Variants in RAB27A observed in about 807,000 individuals in gnomAD.
RAB27A encodes the protein ras-related protein Rab-27A.
A neutral mutation model predicts 20.8 loss-of-function variants in RAB27A; 17 were observed. The ratio of observed to expected loss-of-function variants is 0.82; its 90% confidence interval spans 0.56 to 1.23. RAB27A has a LOEUF of 1.23. Among genes scored for constraint, RAB27A ranks in the 50% most tolerant of loss-of-function variants. RAB27A has a pLI of 0.00. For missense variants in RAB27A, 277 were observed against 266.7 expected (o/e 1.04, Z -0.27); for synonymous variants, 85 against 92.8 (o/e 0.92, Z 0.48).
intron 1 of RAB27A, among the ~76,000 whole-genome samples, chr15:55,278,021 T>C (rs1409240390): frequency 3.3e-5 from 5 of 152,244 alleles, no homozygotes; most frequent in African/African-American, 4.8e-5. Context: ...TTGACACATA[T>C]GGTAGCTGTA....
intron 2 of RAB27A, among the ~76,000 whole-genome samples, chr15:55,304,655 C>T (rs2054989879): frequency 6.6e-6 from 1 of 152,068 alleles, no homozygotes; most frequent in Non-Finnish European, 1.5e-5. Context: ...GTAATGTATT[C>T]TAATTTTTTC....
At chr15:55,287,569 G>C (rs1281460311) in intron 1 of RAB27A, among the ~76,000 whole-genome samples, 1 of 151,742 alleles carries the variant, frequency 6.6e-6, no homozygotes, top group Non-Finnish European at 1.5e-5. Context: ...CCAACATGGA[G>C]AAACCCTGTC....
At chr15:55,278,482 ATTTTT>A (rs11290945) in intron 1 of RAB27A, among the ~76,000 whole-genome samples, 1 of 137,432 alleles carries the variant, frequency 7.3e-6, no homozygotes, top group Non-Finnish European at 1.6e-5. Flanking sequence ...AATCATTATT[ATTTTT>A]TTTTTTTTTT....
At chr15:55,301,912 T>C (rs962325063) in intron 2 of RAB27A, among the ~76,000 whole-genome samples, 25 of 151,976 alleles carry the variant, frequency 1.6e-4, no homozygotes, top group Admixed American at 1.2e-3. Flanking sequence ...TCCCAAAGCA[T>C]TGGGATTATA....
intron 2 of RAB27A, among the ~76,000 whole-genome samples, chr15:55,300,523 TACAAA>T (rs1395912970): frequency 2.0e-5 from 3 of 151,956 alleles, no homozygotes; most frequent in Non-Finnish European, 2.9e-5. Context: ...CTACTAAAAA[TACAAA>T]ATTAGCCAGG....
intron 2 of RAB27A, chr15:55,238,233 A>G (rs1280874493): frequency 6.6e-6 from 1 of 152,168 alleles, no homozygotes; most frequent in African/African-American, 2.4e-5. Flanking sequence ...CAGAACCCAG[A>G]GAGGTAGACT....
At chr15:55,296,852 G>A (rs548400078) in intron 2 of RAB27A, among the ~76,000 whole-genome samples, 5 of 152,100 alleles carry the variant, frequency 3.3e-5, no homozygotes, top group East Asian at 1.9e-4. Flanking sequence ...GGAGGCCCAC[G>A]TTTTGTCATC....
chr15:55,252,703 C>A (rs1213918158), intron 2 of RAB27A, among the ~76,000 whole-genome samples: 2 of 150,646 alleles, frequency 1.3e-5, no homozygotes, highest in Non-Finnish European at 2.9e-5. Flanking sequence ...TACAGATATA[C>A]GTATCTATCT....
At chr15:55,209,103 G>A (rs1457738964) in intron 6 of RAB27A, among the ~76,000 whole-genome samples, 1 of 152,140 alleles carries the variant, frequency 6.6e-6, no homozygotes, top group African/African-American at 2.4e-5. Context: ...ACTTGGGATT[G>A]CCATAATCTT....
At chr15:55,317,361 C>G (rs1234553275) in intron 1 of RAB27A, 1 of 195,852 alleles carries the variant, frequency 5.1e-6, no homozygotes, top group Admixed American at 6.0e-5. Context: ...GTCACCCAGG[C>G]TGGAGTGCAG....
chr15:55,297,999 G>A (rs540212649), intron 2 of RAB27A, among the ~76,000 whole-genome samples: 10 of 151,984 alleles, frequency 6.6e-5, no homozygotes, highest in African/African-American at 9.7e-5. Flanking sequence ...TCAGGAGATC[G>A]AGACCGTCCT....
chr15:55,273,358 A>G lies in RAB27A; in HGVS notation c.-142-3074T>C, dbSNP rs182032906. 5.1e-3 allele frequency among the ~76,000 whole-genome samples: 769 copies of G among 151,786 alleles called. 14 individuals carry two copies. Among genetic ancestry groups the G allele is most frequent in the African/African-American group, 0.018 (727 of 41,384 alleles). On this transcript the variant is annotated intron_variant, in intron 1 of 6. Transcript: ENST00000336787. ...CGGGAGGCGGAGGTTGCAGTGAGCCAAGATCGCGCCACTGCACTCCAGCCT... is the reference window on the plus strand; with the variant it reads ...CGGGAGGCGGAGGTTGCAGTGAGCCGAGATCGCGCCACTGCACTCCAGCCT...
rs147674713 is a variant in RAB27A, at chr15:55,255,654, C to T, written c.-23+14511G>A. Among the ~76,000 whole-genome samples, 548 of 152,334 alleles carry T rather than the reference C, an allele frequency of 3.6e-3. 5 individuals are homozygous for T. Among genetic ancestry groups the T allele is most frequent in the African/African-American group, 0.012 (516 of 41,576 alleles). ...TTTTTTGATAATTAAACCATATTTA[C>T]ATCCAATTCAACAGTATTTGGTAAG... On this transcript the variant is annotated intron_variant, in intron 2 of 6. Transcript: ENST00000336787.
At chr15:55,223,097 T>C (rs1895651070) in intron 6 of RAB27A, among the ~76,000 whole-genome samples, 2 of 152,002 alleles carry the variant, frequency 1.3e-5, no homozygotes, top group Non-Finnish European at 2.9e-5. Context: ...CCAAAGGAGA[T>C]CTCACACTCC....
At chr15:55,210,413 T>G (rs1171953145) in intron 6 of RAB27A, among the ~76,000 whole-genome samples, 1 of 77,146 alleles carries the variant, frequency 1.3e-5, no homozygotes, top group Non-Finnish European at 2.4e-5. Flanking sequence ...TTAGGTGTGG[T>G]TTTTTTTTTT....
rs139539216 is a variant in RAB27A at position 55,246,872 on chromosome 15, GC to G, written c.-22-11917del. Among the ~76,000 whole-genome samples, 888 of 152,170 alleles carry G rather than the reference GC, an allele frequency of 5.8e-3. 4 individuals are homozygous for G. The highest frequency in any genetic ancestry group is 9.7e-3 in the Non-Finnish European group (658 of 67,998). On this transcript the variant is annotated intron_variant, in intron 2 of 6. Transcript: ENST00000336787. ...CAAAGTATGCTCCCACTGAGTGGTTGCTTTTTGTGAGCACATAGAAGACAGT... is the reference window on the plus strand; with the variant it reads ...CAAAGTATGCTCCCACTGAGTGGTTGTTTTTGTGAGCACATAGAAGACAGT...
chr15:55,211,923 T>C (rs960824187), intron 6 of RAB27A, among the ~76,000 whole-genome samples: 37 of 151,492 alleles, frequency 2.4e-4, no homozygotes, highest in African/African-American at 9.0e-4. Flanking sequence ...TTTTGCAACA[T>C]GCTATTTTAT....
intron 2 of RAB27A, among the ~76,000 whole-genome samples, chr15:55,243,099 C>T (rs183328939): frequency 2.0e-5 from 3 of 152,262 alleles, no homozygotes; most frequent in Non-Finnish European, 4.4e-5. Flanking sequence ...TGCTCAGAGT[C>T]CCTCTATCAA....
rs186371205 is a variant in RAB27A at position 55,307,793 on chromosome 15, G to A, written c.-112+6246C>T. On this transcript the variant is annotated intron_variant, in intron 2 of 5. Coordinates refer to the RAB27A transcript ENST00000563262. ...CTTTGTTCTCCTGAAGGAGCTTGGC[G>A]ATAAGGCAGGGGATTATTTCTTTGG... 3.4e-4 allele frequency among the ~76,000 whole-genome samples: 51 copies of A among 150,664 alleles called. 1 individual carries two copies. In the East Asian group the frequency reaches 8.0e-3, roughly 24 times the overall value.
Sources: gnomAD v4.1 joint callset for allele counts (sites outside exome capture counted in the v4.1 genomes callset) on GRCh38, gnomAD v4.1.1 for gene constraint, MANE v1.5 for transcripts, NCBI Gene and HGNC (gene_info 2026-07-23, HGNC 2026-07-21) for gene names.